The following MYCBP2 variants were observed in gnomAD, a reference collection of about 807,000 sequenced individuals.
MYCBP2 encodes the protein MYC binding protein 2.
A neutral mutation model predicts 525.3 loss-of-function variants in MYCBP2; 120 were observed. The ratio of observed to expected loss-of-function variants is 0.23; its 90% CI spans 0.20 to 0.27. The LOEUF (loss-of-function observed/expected upper bound fraction) is 0.27. Ranked by LOEUF, MYCBP2 falls within the 10% of genes least tolerant of loss-of-function variation. The pLI is 1.00. For synonymous variants in MYCBP2, 1,894 were observed against 1,955.8 expected, an observed-to-expected ratio of 0.97 and a Z score of 0.83; for missense variants, 4,149 against 5,657.1, an observed-to-expected ratio of 0.73 and a Z score of 8.55.
At chr13:77,096,031 G>A (rs2046198343) in intron 57 of MYCBP2, among the ~76,000 whole-genome samples, 1 of 151,966 alleles carries the variant, frequency 6.6e-6, no homozygotes, top group Admixed American at 6.6e-5. Flanking sequence ...TCCATAGAGA[G>A]AATAACAGAC....
intron 27 of MYCBP2, among the ~76,000 whole-genome samples, chr13:77,193,153 A>T (rs1031539794): frequency 4.6e-5 from 7 of 152,098 alleles, no homozygotes; most frequent in African/African-American, 1.7e-4. Context: ...ATAAATGAAT[A>T]AATAAAGAAA....
chr13:77,205,466 T>G lies in MYCBP2; in HGVS notation c.3715+7A>C. 6.2e-7 allele frequency: 1 copy of G among 1,613,110 alleles called. No homozygotes were observed. Among genetic ancestry groups the G allele is most frequent in the Non-Finnish European group, 8.5e-7 (1 of 1,179,664 alleles). Reference sequence around the variant, plus strand: ...AGACAACATTTCCTAAACCGAAGTATACATACTTTCAAACCTGTTTACCAC... The same window carrying G: ...AGACAACATTTCCTAAACCGAAGTAGACATACTTTCAAACCTGTTTACCAC... On this transcript the variant is annotated splice_region_variant and intron_variant, in intron 25 of 82. Transcript: ENST00000544440.
At chr13:77,301,446 A>G (rs1320703722) in intron 1 of MYCBP2, among the ~76,000 whole-genome samples, 1 of 150,032 alleles carries the variant, frequency 6.7e-6, no homozygotes, top group East Asian at 2.0e-4. Context: ...AAAAAAAAAA[A>G]AAAGAGGCTG....
intron 3 of MYCBP2, among the ~76,000 whole-genome samples, chr13:77,287,047 G>T (rs1192887294): frequency 1.3e-5 from 2 of 148,694 alleles, no homozygotes; most frequent in East Asian, 4.1e-4. Context: ...ACCGTGACGG[G>T]CTAAGTTTTT....
intron 20 of MYCBP2, among the ~76,000 whole-genome samples, chr13:77,219,721 G>T (rs2065285001): frequency 6.6e-6 from 1 of 152,086 alleles, no homozygotes; most frequent in Admixed American, 6.6e-5. Context: ...TGTACATGGA[G>T]ATCCTATGCT....
intron 1 of MYCBP2, among the ~76,000 whole-genome samples, chr13:77,307,681 C>G (rs2079641800): frequency 6.8e-6 from 1 of 146,296 alleles, no homozygotes; most frequent in African/African-American, 2.5e-5. Context: ...TTTTTTAACA[C>G]CTTACTATCA....
intron 37 of MYCBP2, 54 bp from the exon 38 acceptor site, chr13:77,171,688 C>T: frequency 1.3e-6 from 2 of 1,550,182 alleles, no homozygotes; most frequent in Non-Finnish European, 1.8e-6. Flanking sequence ...AAACATGATC[C>T]AGTGCCAGAA....
At chr13:77,258,830 A>G (rs1035196078) in intron 13 of MYCBP2, among the ~76,000 whole-genome samples, 8 of 152,186 alleles carry the variant, frequency 5.3e-5, no homozygotes, top group African/African-American at 1.9e-4. Context: ...TAATCTTCAT[A>G]ACAACTATAT....
At chr13:77,062,825 C>T in intron 73 of MYCBP2, 128 bp from the exon 74 acceptor site, 1 of 689,726 alleles carries the variant, frequency 1.4e-6, no homozygotes, top group South Asian at 1.8e-5. Context: ...CTCAGTGGCA[C>T]TCAAGTCTTC....
intron 14 of MYCBP2, among the ~76,000 whole-genome samples, chr13:77,251,904 T>C (rs1028790265): frequency 2.0e-5 from 3 of 152,162 alleles, no homozygotes; most frequent in Admixed American, 6.5e-5. Flanking sequence ...CCTGTGTCCT[T>C]CCATATGCTC....
chr13:77,247,077 C>T (rs1181877011), intron 15 of MYCBP2, among the ~76,000 whole-genome samples: 1 of 152,088 alleles, frequency 6.6e-6, no homozygotes, highest in Non-Finnish European at 1.5e-5. Flanking sequence ...TCACTTTGAC[C>T]AATCCTAAAC....
chr13:77,212,298 A>T, intron 21 of MYCBP2, 138 bp from the exon 22 acceptor site: 1 of 619,202 alleles, frequency 1.6e-6, no homozygotes, highest in Non-Finnish European at 2.6e-6. Context: ...TTTTAAAATA[A>T]ATACAATATG....
intron 26 of MYCBP2, among the ~76,000 whole-genome samples, chr13:77,200,557 C>T (rs561533124): frequency 6.6e-6 from 1 of 152,204 alleles, no homozygotes; most frequent in East Asian, 1.9e-4. Flanking sequence ...CAAAGATACT[C>T]CTTGAGAAGA....
At chr13:77,222,406 A>G (rs929979563) in intron 20 of MYCBP2, among the ~76,000 whole-genome samples, 5 of 113,760 alleles carry the variant, frequency 4.4e-5, no homozygotes, top group Admixed American at 3.4e-4. Context: ...TGTGTTTTTA[A>G]TAAGAAGTTC....
chr13:77,262,657 C>G (rs2073495317), intron 10 of MYCBP2, among the ~76,000 whole-genome samples: 1 of 151,878 alleles, frequency 6.6e-6, no homozygotes, highest in African/African-American at 2.4e-5. Context: ...AGAAAGACAT[C>G]TTATATAGCT....
In MYCBP2 at chr13:77,177,940, A is replaced by G. The variant is rs771151443; in HGVS notation, c.5148T>C (p.Asn1716=). The G allele has an allele frequency of 6.2e-7, 1 of 1,606,758 alleles. No individual in the cohort carries two copies. The highest frequency in any genetic ancestry group is 8.5e-7 in the Non-Finnish European group (1 of 1,173,282). Residue 1716 remains asparagine, a synonymous_variant, in exon 35 of 83, where the codon AAT becomes AAC. Transcript: ENST00000544440. ...SALGSEVDGL[N]SLHSVKASAN... Reference sequence around the variant, plus strand: ...CACTAGCTTTTACAGAGTGAAGAGAATTAAGTCCATCAACCTGTGAACAAT... The same window carrying G: ...CACTAGCTTTTACAGAGTGAAGAGAGTTAAGTCCATCAACCTGTGAACAAT...
At chr13:77,176,867 ACTT>A (rs1366301237) in intron 35 of MYCBP2, among the ~76,000 whole-genome samples, 1 of 152,154 alleles carries the variant, frequency 6.6e-6, no homozygotes, top group Non-Finnish European at 1.5e-5. Flanking sequence ...AACTATTTCT[ACTT>A]CTTCACATTT....
chr13:77,202,116 A>G (rs1263853737), intron 26 of MYCBP2, among the ~76,000 whole-genome samples: 1 of 152,206 alleles, frequency 6.6e-6, no homozygotes, highest in East Asian at 1.9e-4. Context: ...GTTTTTTGAA[A>G]GGATCAACAA....
At chr13:77,238,087 C>CA (rs2068216339) in intron 17 of MYCBP2, among the ~76,000 whole-genome samples, 1 of 151,550 alleles carries the variant, frequency 6.6e-6, no homozygotes, top group East Asian at 1.9e-4. Context: ...AGTAAAAATA[C>CA]AAAAAATTAG....
Sources: gnomAD v4.1 joint callset for allele counts (sites outside exome capture counted in the v4.1 genomes callset) on GRCh38, gnomAD v4.1.1 for gene constraint, MANE v1.5 for transcripts, NCBI Gene and HGNC (gene_info 2026-07-23, HGNC 2026-07-21) for gene names.